CNKSR2: variants seen among roughly 807,000 people sequenced by gnomAD.
CNKSR2 encodes the protein CNK homolog protein 2.
A neutral mutation model predicts 84.4 loss-of-function variants in CNKSR2; 14 were observed. That is an observed-to-expected ratio of 0.17 (90% confidence interval 0.11 to 0.26). The LOEUF (loss-of-function observed/expected upper bound fraction) is 0.26, where lower values mean the gene tolerates loss of function less well. Among genes scored for constraint, CNKSR2 ranks in the 10% least tolerant of loss-of-function variants. CNKSR2 has a pLI of 1.00. For missense variants in CNKSR2, 485 were observed against 771.2 expected, an observed-to-expected ratio of 0.63 and a Z score of 4.40; for synonymous variants, 275 against 277.9, an observed-to-expected ratio of 0.99 and a Z score of 0.10.
chrX:21,632,531 G>C (rs1350719887), intron 20 of CNKSR2, among the ~76,000 whole-genome samples: 1 of 111,892 alleles, frequency 8.9e-6, no homozygotes, highest in African/African-American at 3.2e-5. Context: ...ATTTTCCTTG[G>C]TCAGTTTCTG....
chrX:21,643,771 A>G (rs1024304265), intron 20 of CNKSR2: 7 of 111,721 alleles, frequency 6.3e-5, no homozygotes, highest in African/African-American at 2.3e-4. Flanking sequence ...TGGAGGACTA[A>G]AAGCCAGCTT....
At chrX:21,532,123 A>G in intron 11 of CNKSR2, 56 bp downstream of exon 11, 1 of 894,459 alleles carries the variant, frequency 1.1e-6, no homozygotes, top group African/African-American at 2.0e-5. Flanking sequence ...TAGGAATCTC[A>G]ATTTCCTTTA....
chrX:21,405,825 A>C (rs2090254873), intron 1 of CNKSR2, among the ~76,000 whole-genome samples: 1 of 111,235 alleles, frequency 9.0e-6, no homozygotes, highest in African/African-American at 3.3e-5. Context: ...CAAATTTGTA[A>C]TTAAGTTTTA....
chrX:21,391,981 C>A (rs1170971255), intron 1 of CNKSR2, among the ~76,000 whole-genome samples: 3 of 111,987 alleles, frequency 2.7e-5, no homozygotes, highest in African/African-American at 9.7e-5. Flanking sequence ...TTCAAAGTTC[C>A]ACAGATCCCT....
At chrX:21,397,732 A>G (rs928102899) in intron 1 of CNKSR2, among the ~76,000 whole-genome samples, 15 of 111,389 alleles carry the variant, frequency 1.3e-4, no homozygotes, top group African/African-American at 4.9e-4. Context: ...TCAAATAGCT[A>G]GAAGAGAGGA....
Position 21,374,548 on chromosome X carries a change from A to G in CNKSR2, c.-350A>G. On this transcript the variant is annotated 5_prime_UTR_variant, in exon 1 of 22. The change abolishes an upstream ATG in the 5' untranslated region. Transcript: ENST00000379510. The stretch of plus-strand genomic sequence containing the variant: ...ACGCGACCCCTCAGCAACTCAAGCT[A>G]TGAACTGAAGCTCCCTAGGGACGGA... 2 of 455,660 alleles carry G rather than the reference A, an allele frequency of 4.4e-6. No homozygotes were observed. Among genetic ancestry groups the G allele is most frequent in the Non-Finnish European group, 7.7e-6 (2 of 258,350 alleles). The allele number at this position is 455,660 out of a possible 1,213,427, so 37.6% of individuals were successfully genotyped here. A position where few individuals can be genotyped will look rare whatever the true frequency, so the allele number is the denominator to read the frequency against.
intron 8 of CNKSR2, chrX:21,504,590 C>G: frequency 3.9e-6 from 1 of 254,934 alleles, no homozygotes; most frequent in Middle Eastern, 1.1e-3. Context: ...TTAAATATTT[C>G]CCTAAGAGTC....
intron 9 of CNKSR2, among the ~76,000 whole-genome samples, chrX:21,517,230 A>G (rs997214434): frequency 1.9e-4 from 21 of 110,210 alleles, no homozygotes; most frequent in Non-Finnish European, 3.0e-4. Flanking sequence ...ACAAAAAATT[A>G]AAAACTTAGC....
Position 21,563,218 on chromosome X carries a change from A to G in CNKSR2, c.1394-20A>G. 1.8e-6 allele frequency: 2 copies of G among 1,130,347 alleles called. No homozygotes were observed. Among genetic ancestry groups the G allele is most frequent in the East Asian group, 3.1e-5 (1 of 32,412 alleles). 93.2% of individuals were successfully genotyped at this position (1,130,347 alleles called of 1,213,427 possible). A position where few individuals can be genotyped will look rare whatever the true frequency, so the allele number is the denominator to read the frequency against. On this transcript the variant is annotated intron_variant, in intron 12 of 21. Coordinates refer to ENST00000379510, the MANE Select transcript of CNKSR2 (RefSeq NM_014927.5). ...GGTATTTGTGTATTTATATTGGTGT[A>G]TTTATCTCTTTTTATATAGAAAACT...
At chrX:21,398,358 C>G (rs2090146361) in intron 1 of CNKSR2, among the ~76,000 whole-genome samples, 1 of 111,918 alleles carries the variant, frequency 8.9e-6, no homozygotes, top group Non-Finnish European at 1.9e-5. Context: ...TTTTTCACCA[C>G]TATAATGTCA....
At chrX:21,441,826 ATCTCT>A in intron 4 of CNKSR2, among the ~76,000 whole-genome samples, 1 of 111,888 alleles carries the variant, frequency 8.9e-6, no homozygotes, top group East Asian at 2.8e-4. Flanking sequence ...CTTTCAAGAA[ATCTCT>A]TCTGAACAGT....
At chrX:21,416,984 A>G (rs1229661842) in intron 1 of CNKSR2, among the ~76,000 whole-genome samples, 2 of 111,213 alleles carry the variant, frequency 1.8e-5, no homozygotes, top group Non-Finnish European at 3.8e-5. Flanking sequence ...TCTCTTTTCT[A>G]GCTCTTTAAG....
At chrX:21,548,785 G>C (rs773631178) in intron 11 of CNKSR2, among the ~76,000 whole-genome samples, 1 of 111,930 alleles carries the variant, frequency 8.9e-6, no homozygotes, top group Non-Finnish European at 1.9e-5. Context: ...ATCAATAAAC[G>C]TAATCCATCA....
chrX:21,608,517 C>T (rs772348781), intron 19 of CNKSR2, among the ~76,000 whole-genome samples: 2 of 111,660 alleles, frequency 1.8e-5, no homozygotes, highest in East Asian at 5.6e-4. Flanking sequence ...TGTATAGTCT[C>T]ATCCTGCCTA....
At chrX:21,448,497 T>C (rs748624034) in intron 4 of CNKSR2, among the ~76,000 whole-genome samples, 2 of 111,812 alleles carry the variant, frequency 1.8e-5, no homozygotes, top group Non-Finnish European at 3.8e-5. Context: ...GCATTTATTA[T>C]ATCATATTGT....
At chrX:21,646,874 A>G (rs909248868) in intron 20 of CNKSR2, among the ~76,000 whole-genome samples, 3 of 111,717 alleles carry the variant, frequency 2.7e-5, no homozygotes, top group African/African-American at 9.8e-5. Flanking sequence ...CTGGCCTATG[A>G]TTTTCTGAAA....
chrX:21,416,762 C>T lies in CNKSR2; in HGVS notation c.65-9735C>T, dbSNP rs771045714. Among the ~76,000 whole-genome samples, 42 of 111,534 alleles carry T rather than the reference C, an allele frequency of 3.8e-4. 1 individual carries two copies. The highest frequency in any genetic ancestry group is 7.5e-4 in the South Asian group (2 of 2,672). ...CCACTAATGATCCTTTGAATTTCTG[C>T]AGTATCAAGTGTAATGTGTCCGTTT... On this transcript the variant is annotated intron_variant, in intron 1 of 21. Transcript: ENST00000379510.
chrX:21,613,950 A>AG (rs1328234426), intron 20 of CNKSR2, among the ~76,000 whole-genome samples: 1 of 110,187 alleles, frequency 9.1e-6, no homozygotes, highest in African/African-American at 3.3e-5. Flanking sequence ...AAAAAAAAAA[A>AG]AAAGAAAGAA....
At chrX:21,636,941 A>G (rs889389604) in intron 20 of CNKSR2, among the ~76,000 whole-genome samples, 1 of 111,757 alleles carries the variant, frequency 8.9e-6, no homozygotes. Context: ...AAAATTCCAT[A>G]GTACATTTTC....
Sources: allele counts gnomAD v4.1 joint callset (sites outside exome capture counted in the v4.1 genomes callset), GRCh38; gene constraint gnomAD v4.1.1; transcripts MANE v1.5; gene names NCBI Gene and HGNC (gene_info 2026-07-23, HGNC 2026-07-21).